ABAT: variants seen among roughly 807,000 people sequenced by gnomAD.
ABAT encodes the protein 4-aminobutyrate aminotransferase, mitochondrial.
A neutral mutation model predicts 64.6 loss-of-function variants in ABAT; 45 were observed. The ratio of observed to expected loss-of-function variants is 0.70; its 90% confidence interval spans 0.55 to 0.89. ABAT has a LOEUF of 0.89. Among genes scored for constraint, ABAT ranks in the 40% least tolerant of loss-of-function variants. The pLI is 0.00. For synonymous variants in ABAT, 297 were observed against 250.5 expected, an observed-to-expected ratio of 1.19 and a Z score of -1.75; for missense variants, 633 against 658.4, an observed-to-expected ratio of 0.96 and a Z score of 0.42.
chr16:8,766,088 AG>A (rs1309207477), intron 8 of ABAT, 119 bp from the exon 9 acceptor site: 10 of 885,082 alleles, frequency 1.1e-5, no homozygotes, highest in Middle Eastern at 2.1e-4. Context: ...TTAATACATG[AG>A]ATCCACTCCT....
Position 8,741,239 on chromosome 16 carries a change from A to G in ABAT, c.71-4762A>G, listed in dbSNP as rs554329440. Among the ~76,000 whole-genome samples the G allele has an allele frequency of 3.5e-4, 54 of 152,354 alleles. No individual in the cohort carries two copies. In the South Asian group the frequency reaches 0.011, roughly 31 times the overall value. On this transcript the variant is annotated intron_variant, in intron 2 of 15. Coordinates refer to ENST00000268251, the MANE Select transcript of ABAT (RefSeq NM_020686.6). ...TGCTTGATCATTCAGTATTAATTCA[A>G]ACCGGTTTTTTGCATCTTTGTGATC...
intron 2 of ABAT, among the ~76,000 whole-genome samples, chr16:8,740,580 C>A (rs1170054928): frequency 2.0e-5 from 3 of 152,288 alleles, no homozygotes; most frequent in African/African-American, 7.2e-5. Flanking sequence ...GAAGCCTCAG[C>A]CTGCAGCCAT....
chr16:8,765,771 A>T (rs1467688831), intron 8 of ABAT: 1 of 153,228 alleles, frequency 6.5e-6, no homozygotes, highest in African/African-American at 2.4e-5. Flanking sequence ...TTATTTAAAT[A>T]TTTAAATTTA....
intron 1 of ABAT, among the ~76,000 whole-genome samples, chr16:8,735,382 G>C (rs2058890169): frequency 6.6e-6 from 1 of 151,928 alleles, no homozygotes; most frequent in African/African-American, 2.4e-5. Flanking sequence ...CTCCTGAGTA[G>C]CTGGGACTAT....
chr16:8,774,761 G>A (rs2060216663), intron 12 of ABAT, 129 bp from the exon 13 acceptor site: 3 of 1,083,032 alleles, frequency 2.8e-6, no homozygotes, highest in Admixed American at 1.9e-5. Flanking sequence ...ACATGGGGCT[G>A]GTTTGCTCTT....
chr16:8,728,535 G>T (rs2058624552), intron 1 of ABAT, among the ~76,000 whole-genome samples: 1 of 147,502 alleles, frequency 6.8e-6, no homozygotes, highest in Admixed American at 7.0e-5. Context: ...GGCTTGCATT[G>T]AGTCGGATAT....
rs552220177 is a variant in ABAT, at chr16:8,755,948, C to T, written c.317-1809C>T. Among the ~76,000 whole-genome samples, 6 of 152,226 alleles carry T rather than the reference C, an allele frequency of 3.9e-5. No homozygotes were observed. In the South Asian group the frequency reaches 8.3e-4, roughly 21 times the overall value. ...CCTGTAGGCCCAGCTACTCGGGAGGCTGAGGCAGGAGAATGGCGTGAACCC... is the reference window on the plus strand; with the variant it reads ...CCTGTAGGCCCAGCTACTCGGGAGGTTGAGGCAGGAGAATGGCGTGAACCC... On this transcript the variant is annotated intron_variant, in intron 5 of 15. Coordinates refer to ENST00000268251, the MANE Select transcript of ABAT (RefSeq NM_020686.6).
intron 1 of ABAT, chr16:8,713,796 A>C: frequency 2.2e-6 from 1 of 453,370 alleles, no homozygotes; most frequent in Admixed American, 2.4e-5. Context: ...TGGCCTCTGC[A>C]GAATGGCATA....
At chr16:8,745,913 C>G (rs1300067543) in intron 2 of ABAT, 88 bp from the exon 3 acceptor site, 57 of 1,296,954 alleles carry the variant, frequency 4.4e-5, no homozygotes, top group Non-Finnish European at 5.9e-5. Flanking sequence ...GGCACTACCT[C>G]TGTTAGGGAC....
chr16:8,747,347 C>G (rs1253815056), intron 3 of ABAT, among the ~76,000 whole-genome samples: 2 of 152,060 alleles, frequency 1.3e-5, no homozygotes, highest in Non-Finnish European at 2.9e-5. Context: ...CTTCTTTTGT[C>G]ATTGCAACTA....
At chr16:8,712,392 G>A (rs2058096922) in intron 1 of ABAT, among the ~76,000 whole-genome samples, 1 of 152,188 alleles carries the variant, frequency 6.6e-6, no homozygotes, top group Admixed American at 6.5e-5. Context: ...TGGTAATCAT[G>A]TTAATGGTAG....
At position 8,781,538 on chromosome 16, in the gene ABAT, G is replaced by C. The variant is rs1226081060; in HGVS notation, c.*108G>C. 17 of 1,453,324 alleles carry C rather than the reference G, an allele frequency of 1.2e-5. No individual in the cohort carries two copies. The highest frequency in any genetic ancestry group is 2.8e-5 in the African/African-American group (2 of 70,418). 90.0% of individuals were successfully genotyped at this position (1,453,324 alleles called of 1,614,324 possible). A position where few individuals can be genotyped will look rare whatever the true frequency, so the allele number is the denominator to read the frequency against. On this transcript the variant is annotated 3_prime_UTR_variant, in exon 16 of 16. Coordinates refer to ENST00000268251, the MANE Select transcript of ABAT (RefSeq NM_020686.6). The surrounding 1 kb of genome is among the most constrained non-coding windows in gnomAD (Gnocchi z 4.5). ...TAAAAGTATCAGAGGTGAATGCACA[G>C]TGAAGGGTGATTTGTGGGGAGGGAG...
At chr16:8,746,953 C>A (rs1078511) in intron 3 of ABAT, among the ~76,000 whole-genome samples, 2 of 151,908 alleles carry the variant, frequency 1.3e-5, no homozygotes, top group African/African-American at 4.8e-5. Context: ...CTAGGTTAGG[C>A]GTGGCTTGAA....
intron 2 of ABAT, among the ~76,000 whole-genome samples, chr16:8,742,878 A>AG (rs1429878962): frequency 6.6e-6 from 1 of 150,562 alleles, no homozygotes; most frequent in Non-Finnish European, 1.5e-5. Context: ...AAAAAAAAAA[A>AG]AAAAAAAAGT....
At chr16:8,681,402 C>T (rs1448589439) in intron 1 of ABAT, among the ~76,000 whole-genome samples, 1 of 151,672 alleles carries the variant, frequency 6.6e-6, no homozygotes, top group Admixed American at 6.6e-5. Context: ...GGGAATACCA[C>T]CAGTTCCTGC....
chr16:8,755,599 A>T (rs1273425), intron 5 of ABAT, among the ~76,000 whole-genome samples: 61,692 of 151,884 alleles, frequency 0.41, 12,684 homozygotes, highest in Middle Eastern at 0.51. Context: ...GTGCATTAAT[A>T]ACCAGGAGAT....
chr16:8,739,338 C>A (rs1567296748), intron 2 of ABAT, among the ~76,000 whole-genome samples: 1 of 152,186 alleles, frequency 6.6e-6, no homozygotes, highest in African/African-American at 2.4e-5. Context: ...ACCGATATAC[C>A]TTATCCAAGC....
At chr16:8,773,352 A>T (rs1412844038) in intron 12 of ABAT, among the ~76,000 whole-genome samples, 1 of 152,224 alleles carries the variant, frequency 6.6e-6, no homozygotes, top group African/African-American at 2.4e-5. Context: ...AGATTTCGCC[A>T]TGTTGGCCAG....
At chr16:8,689,298 T>C (rs1429481234) in intron 1 of ABAT, among the ~76,000 whole-genome samples, 4 of 152,228 alleles carry the variant, frequency 2.6e-5, no homozygotes, top group Admixed American at 1.3e-4. Context: ...TGTCCATATA[T>C]GCATGTATGT....
Sources: gnomAD v4.1 joint callset for allele counts (sites outside exome capture counted in the v4.1 genomes callset) on GRCh38, gnomAD v4.1.1 for gene constraint, Gnocchi (gnomAD v3.1) non-coding constraint, MANE v1.5 for transcripts, NCBI Gene and HGNC (gene_info 2026-07-23, HGNC 2026-07-21) for gene names.